Variants in NFIA observed in about 807,000 individuals in gnomAD.
NFIA encodes nuclear factor 1 A-type.
A neutral mutation model predicts 62.8 loss-of-function variants in NFIA; 8 were observed. The ratio of observed to expected loss-of-function variants is 0.13; its 90% CI spans 0.07 to 0.23. The LOEUF (loss-of-function observed/expected upper bound fraction) is 0.23. NFIA is among the 10% of genes least tolerant of loss of function. The pLI, the probability that NFIA is intolerant of heterozygous loss-of-function variation, is 1.00. For missense variants in NFIA, 410 were observed against 642.1 expected, an observed-to-expected ratio of 0.64 and a Z score of 3.91; for synonymous variants, 235 against 238.1, an observed-to-expected ratio of 0.99 and a Z score of 0.12.
chr1:61,451,968 G>C (rs1260904252), intron 10 of NFIA, among the ~76,000 whole-genome samples: 1 of 152,128 alleles, frequency 6.6e-6, no homozygotes, highest in Non-Finnish European at 1.5e-5. Context: ...AATAAGCTCA[G>C]ATTTCTTTTA....
At chr1:61,081,957 G>A, upstream of NFIA, 1 of 1,550,552 alleles carries the variant, frequency 6.4e-7, no homozygotes, top group African/African-American at 1.4e-5. Context: ...CAAATGTGCC[G>A]CCCGGCCTCC....
intron 2 of NFIA, among the ~76,000 whole-genome samples, chr1:61,262,312 T>A (rs1656816041): frequency 6.6e-6 from 1 of 152,350 alleles, no homozygotes; most frequent in African/African-American, 2.4e-5. Flanking sequence ...ATGACTTCAG[T>A]GTTTGTATAC....
chr1:61,150,472 C>G (rs1648320130), intron 2 of NFIA, among the ~76,000 whole-genome samples: 1 of 152,162 alleles, frequency 6.6e-6, no homozygotes, highest in African/African-American at 2.4e-5. Context: ...GTACGATACA[C>G]CTGGCCAAAA....
chr1:61,164,268 G>C (rs1268620960), intron 2 of NFIA, among the ~76,000 whole-genome samples: 1 of 151,908 alleles, frequency 6.6e-6, no homozygotes, highest in Non-Finnish European at 1.5e-5. Flanking sequence ...TATGTTGAAG[G>C]TAGGATAATG....
intron 2 of NFIA, among the ~76,000 whole-genome samples, chr1:61,149,695 G>C (rs1371983285): frequency 6.6e-6 from 1 of 152,054 alleles, no homozygotes; most frequent in Non-Finnish European, 1.5e-5. Flanking sequence ...TGTGACTTTG[G>C]GCAAGTAGCT....
intron 2 of NFIA, among the ~76,000 whole-genome samples, chr1:61,247,132 G>C (rs1655695152): frequency 6.6e-6 from 1 of 152,178 alleles, no homozygotes; most frequent in Admixed American, 6.5e-5. Context: ...ACTGGGAAGA[G>C]CTAGATGGGG....
At chr1:61,388,174 T>C (rs1664796872) in intron 7 of NFIA, among the ~76,000 whole-genome samples, 1 of 152,180 alleles carries the variant, frequency 6.6e-6, no homozygotes, top group African/African-American at 2.4e-5. Flanking sequence ...AAAGAGGTTA[T>C]TTGGGAATAT....
intron 2 of NFIA, among the ~76,000 whole-genome samples, chr1:61,275,530 A>T (rs1050172563): frequency 1.3e-5 from 2 of 152,214 alleles, no homozygotes; most frequent in African/African-American, 4.8e-5. Flanking sequence ...GTGATTAATT[A>T]TAAAGATATT....
chr1:61,082,320 T>G, upstream of NFIA: 1 of 252,360 alleles, frequency 4.0e-6, no homozygotes, highest in South Asian at 1.6e-4. Flanking sequence ...CCGCGGAGGC[T>G]CGGGACCCGG....
chr1:61,301,533 G>A (rs1659496098), intron 3 of NFIA, among the ~76,000 whole-genome samples: 1 of 152,118 alleles, frequency 6.6e-6, no homozygotes, highest in Non-Finnish European at 1.5e-5. Context: ...AAACAAACAG[G>A]ATTGGCCTTA....
At chr1:61,223,742 A>G (rs929391190) in intron 2 of NFIA, among the ~76,000 whole-genome samples, 2 of 152,134 alleles carry the variant, frequency 1.3e-5, no homozygotes, top group East Asian at 1.9e-4. Context: ...CTGTATTTCT[A>G]TTTATTAAAA....
chr1:61,233,399 C>T lies in NFIA; in HGVS notation c.560-44121C>T, dbSNP rs1337548501. Among the ~76,000 whole-genome samples, 4 of 152,068 alleles carry T rather than the reference C, an allele frequency of 2.6e-5. No homozygotes were observed. In the South Asian group the frequency reaches 6.2e-4, roughly 24 times the overall value. On this transcript the variant is annotated intron_variant, in intron 2 of 10. Transcript: ENST00000403491. Reference sequence around the variant, plus strand: ...ACTGAGAAACTCAGTTCATAGGTGACGGGAGAAAGTTCCGTAAGTTGACCG... The same window carrying T: ...ACTGAGAAACTCAGTTCATAGGTGATGGGAGAAAGTTCCGTAAGTTGACCG...
At chr1:61,227,862 T>C (rs1187185828) in intron 2 of NFIA, among the ~76,000 whole-genome samples, 1 of 152,232 alleles carries the variant, frequency 6.6e-6, no homozygotes, top group Admixed American at 6.5e-5. Flanking sequence ...TCTCAGGTTT[T>C]AAATGAGGAA....
At chr1:61,265,564 G>A (rs565402447) in intron 2 of NFIA, among the ~76,000 whole-genome samples, 28 of 152,098 alleles carry the variant, frequency 1.8e-4, no homozygotes, top group Non-Finnish European at 3.8e-4. Context: ...ATATTCATGT[G>A]TATTTGTTAT....
intron 6 of NFIA, among the ~76,000 whole-genome samples, chr1:61,362,867 CA>C (rs1205307445): frequency 6.6e-6 from 1 of 152,174 alleles, no homozygotes; most frequent in African/African-American, 2.4e-5. Context: ...GAAATTCTAT[CA>C]AGCACAAATG....
chr1:61,369,701 G>A (rs1348015162), intron 6 of NFIA, among the ~76,000 whole-genome samples: 2 of 151,870 alleles, frequency 1.3e-5, no homozygotes, highest in African/African-American at 4.8e-5. Context: ...AAATATATAA[G>A]CGTTTTATAA....
chr1:61,403,267 T>C (rs111671153), intron 7 of NFIA, among the ~76,000 whole-genome samples: 1 of 152,232 alleles, frequency 6.6e-6, no homozygotes. Flanking sequence ...GCCAGTTTTA[T>C]CAATCATCCT....
chr1:61,455,138 T>G (rs748897576), intron 10 of NFIA, among the ~76,000 whole-genome samples, 165 bp from the exon 11 acceptor site: 98 of 152,244 alleles, frequency 6.4e-4, no homozygotes, highest in Admixed American at 1.1e-3. Context: ...AAGATCAGTT[T>G]CAGTGTCACA....
intron 7 of NFIA, among the ~76,000 whole-genome samples, chr1:61,395,631 A>G (rs1374900793): frequency 6.6e-6 from 1 of 152,078 alleles, no homozygotes; most frequent in African/African-American, 2.4e-5. Flanking sequence ...TGCCTATTAA[A>G]CCATCACTCT....
Sources: gnomAD v4.1 joint callset for allele counts (sites outside exome capture counted in the v4.1 genomes callset) on GRCh38, gnomAD v4.1.1 for gene constraint, MANE v1.5 for transcripts, NCBI Gene and HGNC (gene_info 2026-07-23, HGNC 2026-07-21) for gene names.